The following PCNX2 variants were observed in gnomAD, a reference collection of about 807,000 sequenced individuals.
The protein encoded by PCNX2 is pecanex-like protein 2.
In PCNX2, 168 loss-of-function variants were observed where a neutral mutation model predicts 223.8. The observed-to-expected ratio is 0.75, with a 90% CI of 0.66 to 0.85. The LOEUF (loss-of-function observed/expected upper bound fraction) is 0.85, where lower values mean the gene tolerates loss of function less well. Among genes scored for constraint, PCNX2 ranks in the 40% least tolerant of loss-of-function variants. The pLI is 0.00. For synonymous variants in PCNX2, 1,006 were observed against 1,052.6 expected (o/e 0.96, Z 0.86); for missense variants, 2,507 against 2,675.5 (o/e 0.94, Z 1.39).
intron 26 of PCNX2, among the ~76,000 whole-genome samples, chr1:233,017,591 C>T (rs568155828): frequency 6.6e-6 from 1 of 152,160 alleles, no homozygotes; most frequent in South Asian, 2.1e-4. Flanking sequence ...GCTGGGATTA[C>T]AGGCATGAGC....
At chr1:233,289,091 G>C in intron 1 of PCNX2, 1 of 992,072 alleles carries the variant, frequency 1.0e-6, no homozygotes, top group Non-Finnish European at 1.6e-6. Context: ...TCAGAGTATG[G>C]CTCCTGGGAT....
intron 21 of PCNX2, among the ~76,000 whole-genome samples, chr1:233,098,999 C>T (rs1674333616): frequency 6.6e-6 from 1 of 152,162 alleles, no homozygotes; most frequent in African/African-American, 2.4e-5. Context: ...TTTTAGAGCC[C>T]TCTTCTTCCC....
chr1:233,035,406 G>T (rs1305559044), intron 25 of PCNX2, among the ~76,000 whole-genome samples: 1 of 152,196 alleles, frequency 6.6e-6, no homozygotes, highest in Non-Finnish European at 1.5e-5. Context: ...CATTGTAAAT[G>T]TTTAAAACTA....
In PCNX2 at chr1:232,998,244, C is replaced by A; in HGVS notation, c.5791+7G>T. 1 of 1,551,924 alleles carries A rather than the reference C, an allele frequency of 6.4e-7. No individual in the cohort carries two copies. Among genetic ancestry groups the A allele is most frequent in the Non-Finnish European group, 8.7e-7 (1 of 1,149,418 alleles). On this transcript the variant is annotated splice_region_variant and intron_variant, in intron 32 of 33. Transcript: ENST00000258229. ...ATCGATAGTTTGGAGGCCCCTGCTG[C>A]ACCCACCTGTTCTCTGTGTCCCTTC...
At chr1:233,292,008 C>A in intron 1 of PCNX2, 1 of 981,272 alleles carries the variant, frequency 1.0e-6, no homozygotes. Flanking sequence ...CCAAACATTT[C>A]TCACAAATAT....
intron 23 of PCNX2, among the ~76,000 whole-genome samples, chr1:233,080,065 TAGG>T (rs1025349736): frequency 1.3e-5 from 2 of 152,248 alleles, no homozygotes; most frequent in African/African-American, 4.8e-5. Flanking sequence ...TGAAATGAAA[TAGG>T]AGGCAGGCAC....
chr1:233,186,747 A>T (rs750460057), intron 15 of PCNX2, among the ~76,000 whole-genome samples: 1 of 152,244 alleles, frequency 6.6e-6, no homozygotes, highest in African/African-American at 2.4e-5. Context: ...GGTGAAAAAC[A>T]TGATATGTTT....
intron 13 of PCNX2, among the ~76,000 whole-genome samples, chr1:233,206,627 C>T (rs1250854595): frequency 6.6e-6 from 1 of 152,128 alleles, no homozygotes; most frequent in Non-Finnish European, 1.5e-5. Context: ...ACTGGGAGAT[C>T]AAATTATGGA....
At chr1:233,255,800 A>G (rs1208212749) in intron 5 of PCNX2, among the ~76,000 whole-genome samples, 1 of 152,208 alleles carries the variant, frequency 6.6e-6, no homozygotes, top group Non-Finnish European at 1.5e-5. Context: ...AGCTGCTAAT[A>G]TCATTAAACA....
chr1:233,319,896 T>C, the PCNX2 span, among the ~76,000 whole-genome samples: 4 of 152,224 alleles, frequency 2.6e-5, no homozygotes, highest in African/African-American at 4.8e-5. Context: ...TAACATTAAA[T>C]ACATTTTTAG....
chr1:233,141,332 T>C (rs1677098096), intron 19 of PCNX2, among the ~76,000 whole-genome samples: 1 of 152,208 alleles, frequency 6.6e-6, no homozygotes, highest in African/African-American at 2.4e-5. Context: ...GAATATATCA[T>C]CTTGGTAACT....
intron 19 of PCNX2, among the ~76,000 whole-genome samples, chr1:233,155,679 T>C (rs1678076895): frequency 6.6e-6 from 1 of 152,194 alleles, no homozygotes; most frequent in Non-Finnish European, 1.5e-5. Flanking sequence ...TGGAGGACCA[T>C]GTGAAATGTG....
At chr1:233,135,217 A>G (rs1220206408) in intron 20 of PCNX2, 27 bp from the exon 21 acceptor site, 1 of 1,602,668 alleles carries the variant, frequency 6.2e-7, no homozygotes, top group Non-Finnish European at 8.5e-7. Flanking sequence ...AAAAGATGCA[A>G]TCAATGACAG....
At chr1:233,119,733 A>G (rs1675656928) in intron 21 of PCNX2, among the ~76,000 whole-genome samples, 1 of 152,196 alleles carries the variant, frequency 6.6e-6, no homozygotes, top group African/African-American at 2.4e-5. Context: ...ATGATCAATA[A>G]AAGAAATTAT....
chr1:233,141,494 C>T (rs984107522), intron 19 of PCNX2, among the ~76,000 whole-genome samples: 2 of 152,128 alleles, frequency 1.3e-5, no homozygotes, highest in East Asian at 1.9e-4. Context: ...TGGCGAAATC[C>T]GACTCTACTA....
chr1:233,295,352 G>A lies in PCNX2; in HGVS notation c.127C>T (p.Leu43=). The A allele has an allele frequency of 1.9e-6, 3 of 1,572,044 alleles. No homozygotes were observed. The highest frequency in any genetic ancestry group is 2.6e-6 in the Non-Finnish European group (3 of 1,158,372). ...SCHLYLWLFL[L]LLPLALHLAF... ...AGGTGCAGGGCCAGGGGCAGCAGCA[G>A]GAGGAACAGCCACAGGTAGAGGTGG... is the stretch of plus-strand genomic sequence containing the variant. Residue 43 remains leucine, a synonymous_variant, in exon 1 of 34, where the codon CTG becomes TTG. Transcript: ENST00000258229. The surrounding 1 kb of genome is among the most constrained non-coding windows in gnomAD (Gnocchi z 4.1).
upstream of PCNX2, among the ~76,000 whole-genome samples, chr1:233,298,494 G>T (rs1662206937): frequency 6.6e-6 from 1 of 152,222 alleles, no homozygotes; most frequent in South Asian, 2.1e-4. Flanking sequence ...AAAGTCAGCT[G>T]CTCCTTAGAG....
chr1:233,023,941 G>A (rs1047973286), intron 26 of PCNX2, among the ~76,000 whole-genome samples: 4 of 152,090 alleles, frequency 2.6e-5, no homozygotes, highest in Non-Finnish European at 5.9e-5. Context: ...TGGATTTCGG[G>A]AATCCCCATT....
the PCNX2 span, among the ~76,000 whole-genome samples, chr1:233,309,543 A>AAAT: frequency 0.072 from 10,512 of 146,630 alleles, 448 homozygotes; most frequent in Non-Finnish European, 0.087. Flanking sequence ...TCCCTCAAAA[A>AAAT]AATAATAATA....
Sources: gnomAD v4.1 joint callset for allele counts (sites outside exome capture counted in the v4.1 genomes callset) on GRCh38, gnomAD v4.1.1 for gene constraint, Gnocchi (gnomAD v3.1) non-coding constraint, MANE v1.5 for transcripts, NCBI Gene and HGNC (gene_info 2026-07-23, HGNC 2026-07-21) for gene names.